CUX2: variants seen among roughly 807,000 people sequenced by gnomAD.
CUX2 encodes the protein homeobox protein cut-like 2.
CUX2 carries 40 observed loss-of-function variants against 144.8 expected under a neutral mutation model. That is an observed-to-expected ratio of 0.28 (90% CI 0.21 to 0.36). CUX2 has a LOEUF of 0.36. Ranked by LOEUF, CUX2 falls within the 10% of genes least tolerant of loss-of-function variation. The pLI, the probability that CUX2 is intolerant of heterozygous loss-of-function variation, is 1.00. For missense variants in CUX2, 1,615 were observed against 1,994.0 expected, an observed-to-expected ratio of 0.81 and a Z score of 3.62; for synonymous variants, 827 against 875.6, an observed-to-expected ratio of 0.94 and a Z score of 0.98.
At chr12:111,250,012 T>C (rs1213194627) in intron 3 of CUX2, among the ~76,000 whole-genome samples, 1 of 152,168 alleles carries the variant, frequency 6.6e-6, no homozygotes, top group Non-Finnish European at 1.5e-5. Context: ...CATGATGTCA[T>C]GTACCCACCA....
chr12:111,099,147 TGGAA>T (rs923657874), intron 1 of CUX2, among the ~76,000 whole-genome samples: 34 of 152,214 alleles, frequency 2.2e-4, no homozygotes, highest in African/African-American at 7.9e-4. Flanking sequence ...CTCAGCAGTG[TGGAA>T]GGAAGTGACT....
In CUX2 at chr12:111,142,835, C is replaced by T. The variant is rs150608818; in HGVS notation, c.64-71365C>T. On this transcript the variant is annotated intron_variant, in intron 1 of 21. Transcript: ENST00000261726. ...CTGTGTAACCGCTGGGATTTTGCTGCTGTGGGGAGCTGCAGCTGGGGGAGG... is the reference window on the plus strand; with the variant it reads ...CTGTGTAACCGCTGGGATTTTGCTGTTGTGGGGAGCTGCAGCTGGGGGAGG... Among the ~76,000 whole-genome samples the T allele has an allele frequency of 4.4e-3, 666 of 152,234 alleles. 3 individuals carry two copies. The highest frequency in any genetic ancestry group is 0.015 in the African/African-American group (634 of 41,530).
chr12:111,259,667 C>G (rs955917147), intron 3 of CUX2, among the ~76,000 whole-genome samples: 1 of 151,326 alleles, frequency 6.6e-6, no homozygotes, highest in Non-Finnish European at 1.5e-5. Flanking sequence ...AGTTCAAGAC[C>G]AGCTTGAGCA....
intron 4 of CUX2, chr12:111,270,110 T>A (rs1884567203): frequency 6.6e-6 from 1 of 152,234 alleles, no homozygotes; most frequent in Admixed American, 6.5e-5. Flanking sequence ...AAATGTGTGT[T>A]GGGCGCTTCC....
At chr12:111,215,267 G>A (rs575370117) in intron 2 of CUX2, among the ~76,000 whole-genome samples, 47 of 152,238 alleles carry the variant, frequency 3.1e-4, no homozygotes, top group African/African-American at 1.1e-3. Flanking sequence ...ATTGGTGGGG[G>A]GTCCTGTTGC....
Position 111,341,835 on chromosome 12 carries a change from G to A in CUX2, c.3441G>A (p.Pro1147=), listed in dbSNP as rs779546333. The A allele has an allele frequency of 6.8e-5, 110 of 1,612,956 alleles. 1 individual carries two copies. The Middle Eastern group carries it at 1.3e-3, about 19-fold the overall frequency. The change falls in exon 21 of 22, where the codon CCG becomes CCA. Residue 1147 remains proline (P), a synonymous_variant. Coordinates refer to ENST00000261726, the MANE Select transcript of CUX2 (RefSeq NM_015267.4). ...GCACCGGCTCAGACAGTGAGTCCCC[G>A]GCCACCCGCTCAGAGTGCCCCAGCC... The part of the protein sequence containing the change: ...LISTGSDSES[P]ATRSECPSPC...
At chr12:111,073,702 A>G (rs1871359419) in intron 1 of CUX2, among the ~76,000 whole-genome samples, 1 of 152,066 alleles carries the variant, frequency 6.6e-6, no homozygotes, top group Non-Finnish European at 1.5e-5. Context: ...GCTTATGCCT[A>G]TAATCCCAAT....
rs545316146 is a variant in CUX2 at position 111,145,578 on chromosome 12, G to C, written c.64-68622G>C. ...TGGCGGTCTCCCTATCTGTTGCCCA[G>C]GCTGGTCTTGAATTCCTAGCCTCAA... On this transcript the variant is annotated intron_variant, in intron 1 of 21. Transcript: ENST00000261726. Among the ~76,000 whole-genome samples, 138 of 152,236 alleles carry C rather than the reference G, an allele frequency of 9.1e-4. 2 individuals are homozygous for C. Among genetic ancestry groups the C allele is most frequent in the African/African-American group, 3.1e-3 (130 of 41,544 alleles).
At chr12:111,118,657 T>C (rs2136092073) in intron 1 of CUX2, among the ~76,000 whole-genome samples, 1 of 152,322 alleles carries the variant, frequency 6.6e-6, no homozygotes, top group Non-Finnish European at 1.5e-5. Flanking sequence ...CCAGCTTCCA[T>C]GAGGCTGCTG....
chr12:111,323,001 G>T (rs967552872), intron 18 of CUX2, among the ~76,000 whole-genome samples: 5 of 152,346 alleles, frequency 3.3e-5, no homozygotes, highest in Admixed American at 3.3e-4. Context: ...CCACCCAGCT[G>T]CCCATGATAG....
intron 1 of CUX2, among the ~76,000 whole-genome samples, chr12:111,157,918 A>G (rs115150242): frequency 6.6e-6 from 1 of 152,330 alleles, no homozygotes; most frequent in African/African-American, 2.4e-5. Context: ...GGATTAGCAC[A>G]ACATCCATGA....
chr12:111,346,142 G>C (rs1888796226), intron 21 of CUX2, among the ~76,000 whole-genome samples: 1 of 143,106 alleles, frequency 7.0e-6, no homozygotes, highest in African/African-American at 2.6e-5. Context: ...AGAAAAAAAA[G>C]GCAGAAAATG....
rs538684451 is a variant in CUX2 at position 111,088,551 on chromosome 12, C to T, written c.63+54311C>T. 2.2e-4 allele frequency among the ~76,000 whole-genome samples: 34 copies of T among 152,222 alleles called. 1 individual carries two copies. The South Asian group carries it at 7.1e-3, about 32-fold the overall frequency. On this transcript the variant is annotated intron_variant, in intron 1 of 21. Coordinates refer to ENST00000261726, the MANE Select transcript of CUX2 (RefSeq NM_015267.4). ...GCATTAACTGGAGTCTTCATAGCAG[C>T]GGACTGAATCCCTACGATGTGACGC...
At chr12:111,199,922 C>T (rs2136206830) in intron 1 of CUX2, among the ~76,000 whole-genome samples, 1 of 152,148 alleles carries the variant, frequency 6.6e-6, no homozygotes, top group South Asian at 2.1e-4. Context: ...AGGAAAAAGC[C>T]CGCAGGAAGG....
rs915126352 is a variant in CUX2 at position 111,350,515 on chromosome 12, G to A, written c.*2190G>A. 5 of 152,398 alleles carry A rather than the reference G, an allele frequency of 3.3e-5. No individual in the cohort carries two copies. The highest frequency in any genetic ancestry group is 7.2e-5 in the African/African-American group (3 of 41,416). The allele number at this position is 152,398 out of a possible 1,614,324, so 9.4% of individuals were successfully genotyped here. ...TTTAAAATTTTAAAAAAAGGAACACGTTCTGTAAACGAGTCGCTAAATACA... is the reference window on the plus strand; with the variant it reads ...TTTAAAATTTTAAAAAAAGGAACACATTCTGTAAACGAGTCGCTAAATACA... On this transcript the variant is annotated 3_prime_UTR_variant, in exon 22 of 22. Transcript: ENST00000261726.
In CUX2 at chr12:111,295,319, TC is replaced by T; in HGVS notation, c.561-13del. On this transcript the variant is annotated splice_polypyrimidine_tract_variant and intron_variant, in intron 6 of 21. Coordinates refer to ENST00000261726, the MANE Select transcript of CUX2 (RefSeq NM_015267.4). The surrounding 1 kb of genome is among the most constrained non-coding windows in gnomAD (Gnocchi z 5.0). ...TCCCTGCAGCCAGCACAAGCAGGCC[TC>T]GTCTCTCCGCAGGGGCCTTCAAGAA... The T allele has an allele frequency of 6.2e-7, 1 of 1,610,850 alleles. No homozygotes were observed. The highest frequency in any genetic ancestry group is 8.5e-7 in the Non-Finnish European group (1 of 1,178,772).
intron 1 of CUX2, among the ~76,000 whole-genome samples, chr12:111,145,518 G>C (rs1035657299): frequency 1.3e-5 from 2 of 152,088 alleles, no homozygotes; most frequent in Non-Finnish European, 2.9e-5. Context: ...ACAGGTATAC[G>C]CCACCATGCC....
chr12:111,177,267 A>C (rs1250811622), intron 1 of CUX2, among the ~76,000 whole-genome samples: 1 of 152,158 alleles, frequency 6.6e-6, no homozygotes, highest in African/African-American at 2.4e-5. Context: ...CCCAAAAGCA[A>C]ACATCATGAA....
rs34368745 is a variant in CUX2, at chr12:111,295,751, C to CTAATTAATTAATTAAT, written c.637+356_637+371dup. 4.8e-5 allele frequency among the ~76,000 whole-genome samples: 7 copies of CTAATTAATTAATTAAT among 147,338 alleles called. No individual in the cohort carries two copies. Among genetic ancestry groups the CTAATTAATTAATTAAT allele is most frequent in the East Asian group, 2.8e-4 (1 of 3,548 alleles). ...TGGGCAACATGGCAAGACCCTGTCT[C>CTAATTAATTAATTAAT]TAATTAATTAATTAATTAATTAATT... On this transcript the variant is annotated intron_variant, in intron 7 of 21. Transcript: ENST00000261726. This position sits in a 1 kb window ranked among gnomAD's most constrained non-coding sequence, Gnocchi z 5.0.
Sources: gnomAD v4.1 joint callset for allele counts (sites outside exome capture counted in the v4.1 genomes callset) on GRCh38, gnomAD v4.1.1 for gene constraint, Gnocchi (gnomAD v3.1) non-coding constraint, MANE v1.5 for transcripts, NCBI Gene and HGNC (gene_info 2026-07-23, HGNC 2026-07-21) for gene names.